The following ARID4B variants were observed in gnomAD, a reference collection of about 807,000 sequenced individuals.
The protein encoded by ARID4B is AT-rich interaction domain 4B.
A neutral mutation model predicts 147.5 loss-of-function variants in ARID4B; 26 were observed. That is an observed-to-expected ratio of 0.18 (90% CI 0.13 to 0.24). The LOEUF (loss-of-function observed/expected upper bound fraction) is 0.24. Ranked by LOEUF, ARID4B falls within the 10% of genes least tolerant of loss-of-function variation. The pLI is 1.00. For synonymous variants in ARID4B, 512 were observed against 507.9 expected, an observed-to-expected ratio of 1.01 and a Z score of -0.11; for missense variants, 1,179 against 1,511.5, an observed-to-expected ratio of 0.78 and a Z score of 3.65.
intron 6 of ARID4B, among the ~76,000 whole-genome samples, chr1:235,246,896 A>G (rs1360680112): frequency 6.6e-6 from 1 of 152,182 alleles, no homozygotes; most frequent in Non-Finnish European, 1.5e-5. Context: ...TAATTTGTAC[A>G]TGGGGAATCA....
chr1:235,284,823 G>T (rs939829545), intron 2 of ARID4B, among the ~76,000 whole-genome samples: 6 of 152,148 alleles, frequency 3.9e-5, no homozygotes, highest in Non-Finnish European at 8.8e-5. Flanking sequence ...GAGGCCAGGA[G>T]CTCAAGACCA....
intron 2 of ARID4B, among the ~76,000 whole-genome samples, chr1:235,267,901 A>C (rs76013644): frequency 6.8e-6 from 1 of 147,440 alleles, no homozygotes; most frequent in Non-Finnish European, 1.5e-5. Flanking sequence ...ACTACGTCTC[A>C]AAAAAAAAAA....
At chr1:235,301,007 G>A (rs1023889616) in intron 2 of ARID4B, among the ~76,000 whole-genome samples, 5 of 146,872 alleles carry the variant, frequency 3.4e-5, no homozygotes, top group African/African-American at 1.0e-4. Context: ...GAGCCACTAC[G>A]CCCAGCCAAC....
intron 2 of ARID4B, among the ~76,000 whole-genome samples, chr1:235,313,738 T>C (rs1674242035): frequency 6.6e-6 from 1 of 152,138 alleles, no homozygotes; most frequent in African/African-American, 2.4e-5. Flanking sequence ...AGAGAGGAGA[T>C]GTATTATATT....
At chr1:235,242,116 C>T (rs932697128) in intron 7 of ARID4B, among the ~76,000 whole-genome samples, 1 of 151,778 alleles carries the variant, frequency 6.6e-6, no homozygotes, top group African/African-American at 2.4e-5. Flanking sequence ...GGCATGGTGG[C>T]GGGTGCCTGT....
intron 20 of ARID4B, among the ~76,000 whole-genome samples, chr1:235,179,914 CA>C (rs1249888059): frequency 1.3e-5 from 2 of 151,214 alleles, no homozygotes; most frequent in Admixed American, 1.3e-4. Flanking sequence ...ACTAAAAATA[CA>C]AAAAATTAGC....
intron 17 of ARID4B, among the ~76,000 whole-genome samples, chr1:235,210,174 ATGAT>A (rs1439534547): frequency 6.6e-6 from 1 of 151,948 alleles, no homozygotes; most frequent in Non-Finnish European, 1.5e-5. Context: ...CTGGAGAGCC[ATGAT>A]TGCACCACTG....
intron 2 of ARID4B, among the ~76,000 whole-genome samples, chr1:235,272,700 CATTT>C (rs1240957406): frequency 1.3e-4 from 20 of 150,396 alleles, no homozygotes; most frequent in Non-Finnish European, 2.2e-4. Flanking sequence ...TTATATTATA[CATTT>C]ATTACATATT....
intron 2 of ARID4B, among the ~76,000 whole-genome samples, chr1:235,315,781 A>G (rs747459000): frequency 1.3e-5 from 2 of 152,234 alleles, no homozygotes; most frequent in Non-Finnish European, 2.9e-5. Context: ...CTGGTTATTC[A>G]CAGTTAGATA....
chr1:235,313,195 A>C (rs1674190446), intron 2 of ARID4B, among the ~76,000 whole-genome samples: 1 of 151,956 alleles, frequency 6.6e-6, no homozygotes, highest in Non-Finnish European at 1.5e-5. Flanking sequence ...ATGCCTGGCT[A>C]ATTTTTATAT....
intron 8 of ARID4B, among the ~76,000 whole-genome samples, chr1:235,238,143 CAAA>C (rs533707841): frequency 1.2e-5 from 1 of 80,898 alleles, no homozygotes; most frequent in African/African-American, 4.1e-5. Flanking sequence ...AACTCCATCT[CAAA>C]AAAAAAAAAA....
chr1:235,172,970 A>G (rs1326358815), intron 22 of ARID4B, among the ~76,000 whole-genome samples: 1 of 152,160 alleles, frequency 6.6e-6, no homozygotes, highest in African/African-American at 2.4e-5. Context: ...TGTTGAATGA[A>G]TATGTACAGC....
At chr1:235,273,862 A>T (rs998845893) in intron 2 of ARID4B, among the ~76,000 whole-genome samples, 2 of 152,198 alleles carry the variant, frequency 1.3e-5, no homozygotes, top group Non-Finnish European at 2.9e-5. Flanking sequence ...TCCCTATGTA[A>T]ACTAGTACAA....
chr1:235,198,256 A>G (rs1156480716), intron 17 of ARID4B, among the ~76,000 whole-genome samples: 1 of 152,200 alleles, frequency 6.6e-6, no homozygotes, highest in Non-Finnish European at 1.5e-5. Context: ...TACTATCAAT[A>G]AAAAACTGAC....
In ARID4B at chr1:235,181,597, G is replaced by C. The variant is rs183507885; in HGVS notation, c.3322C>G (p.His1108Asp). Reference protein sequence around the residue: ...SSSSNQPEPEHPEKACTGQKR... With the variant: ...SSSSNQPEPEDPEKACTGQKR... ...TTTTCCTTCTCACCTTTTTCAGGAT[G>C]TTCTGGTTCTGGCTGATTACTACTG... The change falls in exon 20 of 24, where the codon CAT becomes GAT. Residue 1108 changes from histidine to aspartate, a missense_variant. Physicochemically the swap from His to Asp is moderately conservative, Grantham distance 81. This residue lies in a region of ARID4B where 357 missense variants were observed against 427.3 expected (regional missense o/e 0.84). Coordinates refer to ENST00000264183, the MANE Select transcript of ARID4B (RefSeq NM_016374.6). 6.2e-6 allele frequency: 10 copies of C among 1,611,668 alleles called. 1 individual carries two copies. In the Admixed American group the frequency reaches 1.7e-4, roughly 27 times the overall value.
chr1:235,307,578 G>C (rs921231802), intron 2 of ARID4B, among the ~76,000 whole-genome samples: 10 of 152,188 alleles, frequency 6.6e-5, no homozygotes, highest in African/African-American at 1.9e-4. Flanking sequence ...GAGAGAAAAA[G>C]AGAGACAAAC....
intron 19 of ARID4B, among the ~76,000 whole-genome samples, chr1:235,193,752 G>A (rs548622511): frequency 5.3e-5 from 8 of 152,188 alleles, no homozygotes; most frequent in Admixed American, 3.3e-4. Flanking sequence ...GAAAGGTAAC[G>A]CTCACTGGAG....
intron 6 of ARID4B, among the ~76,000 whole-genome samples, chr1:235,248,481 A>C (rs1669442549): frequency 6.6e-6 from 1 of 152,230 alleles, no homozygotes; most frequent in South Asian, 2.1e-4. Flanking sequence ...AGGGAAAATA[A>C]ATTAATCCGG....
chr1:235,228,566 C>T (rs1558224672), intron 11 of ARID4B: 2 of 151,410 alleles, frequency 1.3e-5, no homozygotes, highest in Admixed American at 6.6e-5. Context: ...AGCCACCTGC[C>T]TTGCCCTCCC....
Sources: allele counts gnomAD v4.1 joint callset (sites outside exome capture counted in the v4.1 genomes callset), GRCh38; gene constraint gnomAD v4.1.1; regional missense constraint gnomAD v4.1.1; transcripts MANE v1.5; gene names NCBI Gene and HGNC (gene_info 2026-07-23, HGNC 2026-07-21).